RER1: variants seen among roughly 807,000 people sequenced by gnomAD.
RER1 encodes the protein retention in endoplasmic reticulum sorting receptor 1.
A neutral mutation model predicts 28.3 loss-of-function variants in RER1; 6 were observed. The ratio of observed to expected loss-of-function variants is 0.21; its 90% CI spans 0.12 to 0.42. RER1 has a LOEUF of 0.42. Among genes scored for constraint, RER1 ranks in the 10% least tolerant of loss-of-function variants. The pLI is 1.00. For synonymous variants in RER1, 110 were observed against 95.9 expected (o/e 1.15, Z -0.86); for missense variants, 159 against 252.9 (o/e 0.63, Z 2.52).
intron 3 of RER1, among the ~76,000 whole-genome samples, chr1:2,398,670 T>G (rs1036112660): frequency 3.3e-5 from 5 of 152,246 alleles, no homozygotes; most frequent in African/African-American, 1.2e-4. Flanking sequence ...ATTGCAGGCG[T>G]GAGCCACCAC....
intron 3 of RER1, among the ~76,000 whole-genome samples, 169 bp from the exon 4 acceptor site, chr1:2,399,246 T>C (rs1557902708): frequency 6.6e-6 from 1 of 152,248 alleles, no homozygotes; most frequent in Non-Finnish European, 1.5e-5. Flanking sequence ...GATAAATTGT[T>C]ACCATGGGAT....
intron 5 of RER1, among the ~76,000 whole-genome samples, chr1:2,401,532 T>C (rs1243982868): frequency 6.7e-6 from 1 of 149,628 alleles, no homozygotes; most frequent in Non-Finnish European, 1.5e-5. Context: ...TCTGCACGGG[T>C]AGGCAGAGGT....
intron 2 of RER1, 116 bp from the exon 3 acceptor site, chr1:2,397,000 C>CT (rs2100400233): frequency 1.6e-6 from 1 of 621,462 alleles, no homozygotes; most frequent in Non-Finnish European, 3.0e-6. Flanking sequence ...TTTTAACTCA[C>CT]TCTTTTAGCT....
At chr1:2,402,129 G>A (rs763723586) in intron 5 of RER1, 78 bp from the exon 6 acceptor site, 1 of 1,613,912 alleles carries the variant, frequency 6.2e-7, no homozygotes, top group Non-Finnish European at 8.5e-7. Context: ...GGTCGGTGCA[G>A]CTGCAAGGCT....
chr1:2,405,199 T>C lies in RER1; in HGVS notation c.*2075T>C, dbSNP rs1407941006. ...AGGTGCTGGCCTTGGTTGGTTTCTC[T>C]CTGCCCCGTGTGGTCATCAAGTCCT... On this transcript the variant is annotated 3_prime_UTR_variant, in exon 7 of 7. Transcript: ENST00000605895. The C allele has an allele frequency of 1.0e-5, 2 of 195,454 alleles. No individual in the cohort carries two copies. The highest frequency in any genetic ancestry group is 2.1e-5 in the Non-Finnish European group (2 of 93,484). The allele number at this position is 195,454 out of a possible 1,614,324, so 12.1% of individuals were successfully genotyped here.
At chr1:2,400,527 C>T (rs754109793) in intron 4 of RER1, among the ~76,000 whole-genome samples, 93 of 152,222 alleles carry the variant, frequency 6.1e-4, no homozygotes, top group Non-Finnish European at 2.8e-4. Flanking sequence ...TGTTCTCTGC[C>T]GCTTGCTTTT....
intron 1 of RER1, among the ~76,000 whole-genome samples, chr1:2,393,789 T>A (rs1642728572): frequency 6.6e-6 from 1 of 152,200 alleles, no homozygotes; most frequent in African/African-American, 2.4e-5. Flanking sequence ...ATGCGTTCAG[T>A]CAGGGTGCAA....
chr1:2,399,964 G>A (rs761430537), intron 4 of RER1, among the ~76,000 whole-genome samples: 32 of 152,346 alleles, frequency 2.1e-4, no homozygotes, highest in African/African-American at 2.9e-4. Flanking sequence ...TGCCAGCATC[G>A]GGTCGGGTCA....
intron 3 of RER1, among the ~76,000 whole-genome samples, chr1:2,397,952 TACTTCCTTGTTTAAAGC>T (rs944828752): frequency 4.6e-5 from 7 of 152,200 alleles, no homozygotes; most frequent in Admixed American, 3.3e-4. Flanking sequence ...CTGTAGAAGA[TACTTCCTTGTTTAAAGC>T]ACACACCTTA....
At chr1:2,401,375 T>C in intron 5 of RER1, among the ~76,000 whole-genome samples, 1 of 3,576 alleles carries the variant, frequency 2.8e-4, no homozygotes, top group Non-Finnish European at 6.3e-4. Context: ...CCCTCCTTCC[T>C]CCCTCCTCCT....
intron 2 of RER1, among the ~76,000 whole-genome samples, chr1:2,396,843 G>A (rs78138078): frequency 6.6e-6 from 1 of 152,212 alleles, no homozygotes; most frequent in African/African-American, 2.4e-5. Flanking sequence ...GTGATCCCTT[G>A]GGGCCAGCAC....
intron 6 of RER1, 124 bp from the exon 7 acceptor site, chr1:2,402,911 G>A (rs1389310878): frequency 2.7e-6 from 2 of 754,612 alleles, no homozygotes; most frequent in African/African-American, 3.5e-5. Flanking sequence ...AAGCCACTGG[G>A]GCTCCGATTC....
At chr1:2,399,315 C>T (rs1642812247) in intron 3 of RER1, 100 bp from the exon 4 acceptor site, 5 of 788,332 alleles carry the variant, frequency 6.3e-6, no homozygotes, top group Admixed American at 3.6e-5. Context: ...AAAGTTAGAT[C>T]AGTTAACAAA....
Position 2,402,654 on chromosome 1 carries a change from C to T in RER1, c.501+312C>T, listed in dbSNP as rs551988494. Among the ~76,000 whole-genome samples the T allele has an allele frequency of 4.6e-5, 7 of 152,338 alleles. No individual in the cohort carries two copies. In the South Asian group the frequency reaches 1.2e-3, roughly 27 times the overall value. On this transcript the variant is annotated intron_variant, in intron 6 of 6. Transcript: ENST00000605895. ...AGGGTGCCCAGTGCCCCGCGCCAGC[C>T]TGCCCGAGGAGGAGGGTGTTAGGGG...
intron 3 of RER1, 125 bp from the exon 4 acceptor site, chr1:2,399,290 G>T: frequency 1.4e-6 from 1 of 715,796 alleles, no homozygotes; most frequent in East Asian, 2.5e-5. Context: ...CTATGAGTAA[G>T]TTTTGTGTTA....
intron 2 of RER1, 112 bp from the exon 3 acceptor site, chr1:2,397,002 CTT>C: frequency 4.7e-6 from 3 of 639,498 alleles, no homozygotes; most frequent in Middle Eastern, 2.6e-4. Flanking sequence ...TTAACTCACT[CTT>C]TTAGCTGTTT....
chr1:2,397,337 T>G, intron 3 of RER1, 117 bp downstream of exon 3: 1 of 709,972 alleles, frequency 1.4e-6, no homozygotes, highest in Non-Finnish European at 2.6e-6. Context: ...GTAATCAATT[T>G]TCAGCTAAAC....
chr1:2,398,060 G>A (rs1006101711), intron 3 of RER1, among the ~76,000 whole-genome samples: 6 of 152,250 alleles, frequency 3.9e-5, no homozygotes, highest in African/African-American at 1.4e-4. Flanking sequence ...TCTTGAATCA[G>A]GGACTTCAGG....
chr1:2,405,425 T>C lies in RER1; in HGVS notation c.*2301T>C. ...TCTCACAATATAAACGAATAAAGTG[T>C]CTTCTGGCCTACTTCTGAATTACTT... On this transcript the variant is annotated 3_prime_UTR_variant, in exon 7 of 7. Coordinates refer to ENST00000605895, the MANE Select transcript of RER1 (RefSeq NM_007033.5). 2.2e-6 allele frequency: 1 copy of C among 449,308 alleles called. No homozygotes were observed. The highest frequency in any genetic ancestry group is 4.2e-6 in the Non-Finnish European group (1 of 240,708). 27.8% of individuals were successfully genotyped at this position (449,308 alleles called of 1,614,324 possible). A position where few individuals can be genotyped will look rare whatever the true frequency, so the allele number is the denominator to read the frequency against.
Sources: allele counts gnomAD v4.1 joint callset (sites outside exome capture counted in the v4.1 genomes callset), GRCh38; gene constraint gnomAD v4.1.1; transcripts MANE v1.5; gene names NCBI Gene and HGNC (gene_info 2026-07-23, HGNC 2026-07-21).